CMSS1: variants seen among roughly 807,000 people sequenced by gnomAD.
The protein encoded by CMSS1 is protein CMSS1.
In CMSS1, 33 loss-of-function variants were observed where a neutral mutation model predicts 43.5. The observed-to-expected ratio is 0.76, with a 90% CI of 0.57 to 1.01. The LOEUF is 1.01. Among genes scored for constraint, CMSS1 ranks in the 50% least tolerant of loss-of-function variants. The pLI is 0.00. For synonymous variants in CMSS1, 115 were observed against 117.2 expected (o/e 0.98, Z 0.12); for missense variants, 313 against 326.4 (o/e 0.96, Z 0.32).
intron 1 of CMSS1, among the ~76,000 whole-genome samples, chr3:100,029,059 G>A (rs898441597): frequency 1.3e-5 from 2 of 152,038 alleles, no homozygotes; most frequent in Non-Finnish European, 2.9e-5. Flanking sequence ...GAATGGTGGT[G>A]CATGCCTATT....
intron 2 of CMSS1, among the ~76,000 whole-genome samples, chr3:100,156,647 G>T (rs753416081): frequency 2.0e-5 from 3 of 150,034 alleles, no homozygotes; most frequent in South Asian, 4.2e-4. Flanking sequence ...ACGGAGTCTC[G>T]CTCTGTCGCC....
At chr3:100,157,764 T>C (rs1390024892) in intron 2 of CMSS1, among the ~76,000 whole-genome samples, 1 of 152,124 alleles carries the variant, frequency 6.6e-6, no homozygotes, top group Non-Finnish European at 1.5e-5. Flanking sequence ...ACAGGCAAGG[T>C]GAAAGGAAGC....
At chr3:100,029,823 A>G (rs1184957380) in intron 1 of CMSS1, among the ~76,000 whole-genome samples, 2 of 152,212 alleles carry the variant, frequency 1.3e-5, no homozygotes, top group Non-Finnish European at 2.9e-5. Context: ...AAAAGGGCAG[A>G]TTCTGAGTCA....
intron 1 of CMSS1, among the ~76,000 whole-genome samples, chr3:100,132,812 C>A (rs1488814229): frequency 7.4e-5 from 10 of 135,960 alleles, no homozygotes; most frequent in Non-Finnish European, 1.5e-4. Context: ...GAGCAAGACT[C>A]CATCCCAAAA....
intron 1 of CMSS1, among the ~76,000 whole-genome samples, chr3:99,872,263 C>T (rs1387982399): frequency 2.9e-5 from 3 of 102,218 alleles, no homozygotes; most frequent in Non-Finnish European, 4.1e-5. Flanking sequence ...ATATTCTGTG[C>T]CAGGACTGTG....
At chr3:100,078,833 G>C (rs1379039825) in intron 1 of CMSS1, among the ~76,000 whole-genome samples, 1 of 152,170 alleles carries the variant, frequency 6.6e-6, no homozygotes, top group African/African-American at 2.4e-5. Flanking sequence ...GGAGGCTGCA[G>C]TGAGCCAAGA....
At chr3:100,088,926 C>T (rs915975119) in intron 1 of CMSS1, among the ~76,000 whole-genome samples, 1 of 151,982 alleles carries the variant, frequency 6.6e-6, no homozygotes, top group South Asian at 2.1e-4. Flanking sequence ...CCTTCTGACT[C>T]AGAAATTTTT....
intron 1 of CMSS1, among the ~76,000 whole-genome samples, chr3:100,089,475 A>G (rs561514763): frequency 2.6e-5 from 4 of 152,212 alleles, no homozygotes; most frequent in Non-Finnish European, 4.4e-5. Flanking sequence ...AGCCCTAAAG[A>G]GTAGATGGAG....
intron 1 of CMSS1, among the ~76,000 whole-genome samples, chr3:99,899,915 C>A (rs1706381679): frequency 6.6e-6 from 1 of 152,174 alleles, no homozygotes; most frequent in Admixed American, 6.5e-5. Flanking sequence ...TAGGGCTTAA[C>A]TAGTTAGCTG....
chr3:99,824,081 C>T (rs540197204), intron 1 of CMSS1, among the ~76,000 whole-genome samples: 24 of 152,214 alleles, frequency 1.6e-4, no homozygotes, highest in South Asian at 1.0e-3. Context: ...TGCCACCACA[C>T]CCAGCTAACT....
Position 100,047,958 on chromosome 3 carries a change from C to T in CMSS1, c.65-99015C>T, listed in dbSNP as rs149629351. Among the ~76,000 whole-genome samples, 571 of 152,248 alleles carry T rather than the reference C, an allele frequency of 3.8e-3. 3 individuals carry two copies. Among genetic ancestry groups the T allele is most frequent in the African/African-American group, 0.013 (542 of 41,538 alleles). On this transcript the variant is annotated intron_variant, in intron 1 of 9. Transcript: ENST00000421999. Reference sequence around the variant, plus strand: ...TGAGTTGAGCAGACTCATGAAAGAACGAATTGTCCCTCCTATAGTGTAAAT... The same window carrying T: ...TGAGTTGAGCAGACTCATGAAAGAATGAATTGTCCCTCCTATAGTGTAAAT...
At chr3:100,075,667 T>C (rs1264645514) in intron 1 of CMSS1, 1 of 152,054 alleles carries the variant, frequency 6.6e-6, no homozygotes, top group Non-Finnish European at 1.5e-5. Flanking sequence ...GCAACATCTA[T>C]AATATAAATT....
chr3:100,089,900 G>A lies in CMSS1; in HGVS notation c.65-57073G>A, dbSNP rs968376280. Reference sequence around the variant, plus strand: ...TCTTGTCTTCCGTTTCCTAGGCTGTGAACTGTAGGAATTGACTCAGATGAT... The same window carrying A: ...TCTTGTCTTCCGTTTCCTAGGCTGTAAACTGTAGGAATTGACTCAGATGAT... On this transcript the variant is annotated intron_variant, in intron 1 of 9. Coordinates refer to ENST00000421999, the MANE Select transcript of CMSS1 (RefSeq NM_032359.4). 2.0e-5 allele frequency among the ~76,000 whole-genome samples: 3 copies of A among 152,178 alleles called. 1 individual carries two copies. The South Asian group carries it at 6.2e-4, about 32-fold the overall frequency.
intron 1 of CMSS1, chr3:100,051,202 T>A (rs1003076585): frequency 1.3e-5 from 2 of 152,180 alleles, no homozygotes; most frequent in African/African-American, 4.8e-5. Context: ...TCCAGCTTCT[T>A]ATTTTTTCCG....
At chr3:100,028,905 A>G (rs919343308) in intron 1 of CMSS1, among the ~76,000 whole-genome samples, 1 of 152,088 alleles carries the variant, frequency 6.6e-6, no homozygotes, top group Admixed American at 6.6e-5. Flanking sequence ...ACACACAAAG[A>G]CACACACACA....
At chr3:99,988,490 C>T (rs552603224) in intron 1 of CMSS1, among the ~76,000 whole-genome samples, 43 of 119,774 alleles carry the variant, frequency 3.6e-4, no homozygotes, top group African/African-American at 1.3e-3. Flanking sequence ...CCAGCCTGGG[C>T]GACAGAGCGA....
intron 1 of CMSS1, among the ~76,000 whole-genome samples, chr3:99,911,308 TTATTA>T (rs1194259848): frequency 2.0e-5 from 3 of 148,770 alleles, no homozygotes; most frequent in African/African-American, 7.3e-5. Context: ...GTTGTTTTTG[TTATTA>T]TATATTATAT....
intron 1 of CMSS1, among the ~76,000 whole-genome samples, chr3:99,936,909 A>G (rs1168441218): frequency 2.0e-5 from 3 of 152,086 alleles, no homozygotes; most frequent in Non-Finnish European, 4.4e-5. Context: ...GTGCTACGCA[A>G]TTTTGTTTTA....
chr3:100,137,564 C>CTT (rs202163215), intron 1 of CMSS1, among the ~76,000 whole-genome samples: 76 of 142,554 alleles, frequency 5.3e-4, no homozygotes, highest in African/African-American at 1.6e-3. Flanking sequence ...AAGCATGTAA[C>CTT]TTTTTTTTTT....
Sources: allele counts gnomAD v4.1 joint callset (sites outside exome capture counted in the v4.1 genomes callset), GRCh38; gene constraint gnomAD v4.1.1; transcripts MANE v1.5; gene names NCBI Gene and HGNC (gene_info 2026-07-23, HGNC 2026-07-21).